The following CHRM2 variants were observed in gnomAD, a reference collection of about 807,000 sequenced individuals.
The protein encoded by CHRM2 is muscarinic acetylcholine receptor M2.
A neutral mutation model predicts 25.0 loss-of-function variants in CHRM2; 8 were observed. The observed-to-expected ratio is 0.32, with a 90% CI of 0.19 to 0.58. CHRM2 has a LOEUF of 0.58. Ranked by LOEUF, CHRM2 falls within the 20% of genes least tolerant of loss-of-function variation. The pLI, the probability that CHRM2 is intolerant of heterozygous loss-of-function variation, is 0.88. For synonymous variants in CHRM2, 202 were observed against 205.7 expected, an observed-to-expected ratio of 0.98 and a Z score of 0.15; for missense variants, 440 against 567.1, an observed-to-expected ratio of 0.78 and a Z score of 2.28.
At chr7:136,911,735 T>C (rs901402844) in intron 2 of CHRM2, among the ~76,000 whole-genome samples, 1 of 151,998 alleles carries the variant, frequency 6.6e-6, no homozygotes, top group Non-Finnish European at 1.5e-5. Context: ...GTCTCTTTTA[T>C]GTAGGATTTG....
chr7:136,909,630 T>C (rs759197160), intron 2 of CHRM2, among the ~76,000 whole-genome samples: 4 of 151,956 alleles, frequency 2.6e-5, no homozygotes, highest in Non-Finnish European at 4.4e-5. Flanking sequence ...ACGTGCTGTA[T>C]GTATATATGT....
At chr7:136,924,963 C>T (rs1798659178) in intron 2 of CHRM2, among the ~76,000 whole-genome samples, 1 of 152,158 alleles carries the variant, frequency 6.6e-6, no homozygotes, top group Non-Finnish European at 1.5e-5. Context: ...GTTTTATAAT[C>T]ATTTGTTGAC....
chr7:136,923,717 A>G lies in CHRM2; in HGVS notation c.-125+54299A>G, dbSNP rs555958189. ...ATGTTTTTATTTTAAAAAGACTTTC[A>G]TAATTTAAAAGACAAAAATGGTGTC... On this transcript the variant is annotated intron_variant, in intron 2 of 3. Transcript: ENST00000680005. Among the ~76,000 whole-genome samples the G allele has an allele frequency of 6.6e-5, 10 of 152,286 alleles. No individual in the cohort carries two copies. The East Asian group carries it at 1.9e-3, about 29-fold the overall frequency.
chr7:136,888,863 G>A (rs1349083972), intron 2 of CHRM2, among the ~76,000 whole-genome samples: 1 of 151,664 alleles, frequency 6.6e-6, no homozygotes, highest in Non-Finnish European at 1.5e-5. Flanking sequence ...TGGCTAACAC[G>A]GTGAAACCCC....
intron 2 of CHRM2, among the ~76,000 whole-genome samples, chr7:136,944,201 T>C (rs780976800): frequency 2.0e-5 from 3 of 152,130 alleles, no homozygotes; most frequent in African/African-American, 7.2e-5. Flanking sequence ...CCAAGCAGTG[T>C]ACACTGTACC....
At chr7:136,942,848 C>A (rs564834724) in intron 2 of CHRM2, among the ~76,000 whole-genome samples, 26 of 151,844 alleles carry the variant, frequency 1.7e-4, no homozygotes, top group Admixed American at 7.2e-4. Context: ...TAATTTAGTT[C>A]TTTTCTTCTC....
chr7:136,870,054 G>C (rs1003499144), intron 2 of CHRM2: 2 of 152,388 alleles, frequency 1.3e-5, no homozygotes, highest in African/African-American at 4.8e-5. Context: ...CAAAGGAGAG[G>C]GAAGCATTCT....
Position 137,018,409 on chromosome 7 carries a change from A to T in CHRM2, c.*2143A>T, listed in dbSNP as rs1369605193. The stretch of plus-strand genomic sequence containing the variant: ...ACATGCACTTTTACATTTTAAATTC[A>T]TATTTATTTTCATATTGTTTCTTCA... On this transcript the variant is annotated 3_prime_UTR_variant, in exon 4 of 4. Coordinates refer to ENST00000680005, the MANE Select transcript of CHRM2 (RefSeq NM_001006630.2). The T allele has an allele frequency of 3.3e-5, 5 of 152,016 alleles. No individual in the cohort carries two copies. The South Asian group carries it at 1.0e-3, about 32-fold the overall frequency. The allele number at this position is 152,016 out of a possible 1,614,324, so 9.4% of individuals were successfully genotyped here. A position where few individuals can be genotyped will look rare whatever the true frequency, so the allele number is the denominator to read the frequency against.
intron 3 of CHRM2, among the ~76,000 whole-genome samples, chr7:137,008,085 T>C (rs556145483): frequency 6.6e-6 from 1 of 152,230 alleles, no homozygotes; most frequent in Admixed American, 6.5e-5. Context: ...AAAAAAAATA[T>C]AGCTGGAATG....
intron 2 of CHRM2, among the ~76,000 whole-genome samples, chr7:136,948,078 A>ATTGG (rs2130843742): frequency 6.6e-6 from 1 of 152,260 alleles, no homozygotes; most frequent in Non-Finnish European, 1.5e-5. Flanking sequence ...GGCAACAGTT[A>ATTGG]ACTGTGCTGC....
chr7:136,976,192 TA>T lies in CHRM2; in HGVS notation c.-124-15992del, dbSNP rs571994939. On this transcript the variant is annotated intron_variant, in intron 2 of 3. Coordinates refer to ENST00000680005, the MANE Select transcript of CHRM2 (RefSeq NM_001006630.2). The stretch of plus-strand genomic sequence containing the variant: ...TTTAGGGGAACTGCAGGCTGGATTT[TA>T]AACTAAATATTAAAGAATTGTGGCC... Among the ~76,000 whole-genome samples, 43 of 152,234 alleles carry T rather than the reference TA, an allele frequency of 2.8e-4. 1 individual carries two copies. In the South Asian group the frequency reaches 5.6e-3, roughly 20 times the overall value.
intron 2 of CHRM2, among the ~76,000 whole-genome samples, chr7:136,905,430 C>T (rs904319658): frequency 6.6e-6 from 1 of 151,456 alleles, no homozygotes; most frequent in Admixed American, 6.6e-5. Flanking sequence ...ATTTTTTGCA[C>T]CTATCATGTT....
At chr7:136,900,414 C>T (rs1213592686) in intron 2 of CHRM2, among the ~76,000 whole-genome samples, 1 of 152,030 alleles carries the variant, frequency 6.6e-6, no homozygotes, top group Non-Finnish European at 1.5e-5. Context: ...GAGCAGGAGG[C>T]TGCGTTGAAA....
intron 3 of CHRM2, among the ~76,000 whole-genome samples, chr7:137,004,689 T>G (rs1180354783): frequency 6.6e-6 from 1 of 152,182 alleles, no homozygotes; most frequent in Non-Finnish European, 1.5e-5. Flanking sequence ...CATAAACCTC[T>G]TCATTCTCTC....
intron 2 of CHRM2, among the ~76,000 whole-genome samples, chr7:136,904,106 G>GT (rs945592973): frequency 2.6e-5 from 4 of 151,496 alleles, no homozygotes; most frequent in Non-Finnish European, 4.4e-5. Flanking sequence ...TTAAAAGTTT[G>GT]TTTTTTTAAT....
At chr7:136,979,903 G>T (rs1027084326) in intron 2 of CHRM2, among the ~76,000 whole-genome samples, 1 of 152,110 alleles carries the variant, frequency 6.6e-6, no homozygotes, top group Non-Finnish European at 1.5e-5. Flanking sequence ...AGTTCTTTCT[G>T]TTTAGGATTG....
intron 2 of CHRM2, among the ~76,000 whole-genome samples, chr7:136,952,837 C>T (rs565408066): frequency 6.6e-6 from 1 of 152,166 alleles, no homozygotes; most frequent in African/African-American, 2.4e-5. Context: ...TTTTCTGTTT[C>T]TGTGTTAGTT....
intron 2 of CHRM2, among the ~76,000 whole-genome samples, chr7:136,918,738 T>C (rs1406194282): frequency 6.6e-6 from 1 of 151,990 alleles, no homozygotes; most frequent in Non-Finnish European, 1.5e-5. Flanking sequence ...AGTGACAGAT[T>C]TGATATTGTC....
At chr7:136,966,374 C>T (rs757966866) in intron 2 of CHRM2, among the ~76,000 whole-genome samples, 1 of 151,852 alleles carries the variant, frequency 6.6e-6, no homozygotes, top group Non-Finnish European at 1.5e-5. Flanking sequence ...ATATGGTGAA[C>T]TTAAAAGTCA....
Sources: gnomAD v4.1 joint callset for allele counts (sites outside exome capture counted in the v4.1 genomes callset) on GRCh38, gnomAD v4.1.1 for gene constraint, MANE v1.5 for transcripts, NCBI Gene and HGNC (gene_info 2026-07-23, HGNC 2026-07-21) for gene names.